The following IBTK variants were observed in gnomAD, a reference collection of about 807,000 sequenced individuals.
IBTK encodes the protein BTK-binding protein.
A neutral mutation model predicts 154.9 loss-of-function variants in IBTK; 83 were observed. The observed-to-expected ratio is 0.54, with a 90% CI of 0.45 to 0.64. The LOEUF (loss-of-function observed/expected upper bound fraction) is 0.64, where lower values mean the gene tolerates loss of function less well. Ranked by LOEUF, IBTK falls within the 30% of genes least tolerant of loss-of-function variation. The probability of loss-of-function intolerance (pLI) is 0.00; values close to 1 mark genes in which losing one functional copy is unlikely to be tolerated. For missense variants in IBTK, 1,332 were observed against 1,584.6 expected (o/e 0.84, Z 2.71); for synonymous variants, 515 against 536.1 (o/e 0.96, Z 0.54).
chr6:82,199,974 T>C (rs1451542334), intron 21 of IBTK, among the ~76,000 whole-genome samples, 167 bp downstream of exon 21: 5 of 152,158 alleles, frequency 3.3e-5, no homozygotes, highest in Non-Finnish European at 7.4e-5. Flanking sequence ...TTAGTTTGAG[T>C]ACCTCTTTTG....
At position 82,231,740 on chromosome 6, in the gene IBTK, C is replaced by G; in HGVS notation, c.521G>C (p.Arg174Thr). 1 of 1,607,902 alleles carries G rather than the reference C, an allele frequency of 6.2e-7. No individual in the cohort carries two copies. The highest frequency in any genetic ancestry group is 8.5e-7 in the Non-Finnish European group (1 of 1,177,018). Residue 174 changes from arginine (R) to threonine (T), a missense_variant, in exon 4 of 29, where the codon AGG becomes ACG. Arg to Thr is a moderately conservative substitution (Grantham distance 71). Around this residue, in one of 3 missense-constraint regions of IBTK, gnomAD observed 114 missense variants for 213.7 expected, o/e 0.53. Coordinates refer to ENST00000306270, the MANE Select transcript of IBTK (RefSeq NM_015525.4). The part of the protein sequence containing the change: ...HHPELVDLFS[R>T]SGIYIKQVVL... ...TACCTGCTTGATATAAATCCCACTCCTGGAGAACAGATCCACCAACTCTGG... is the reference window on the plus strand; with the variant it reads ...TACCTGCTTGATATAAATCCCACTCGTGGAGAACAGATCCACCAACTCTGG...
chr6:82,245,677 A>G (rs1771115695), intron 1 of IBTK, among the ~76,000 whole-genome samples: 1 of 152,220 alleles, frequency 6.6e-6, no homozygotes, highest in Non-Finnish European at 1.5e-5. Flanking sequence ...AAAATTTCTA[A>G]ATAATTCAGA....
intron 16 of IBTK, among the ~76,000 whole-genome samples, chr6:82,209,272 G>A (rs1769536354): frequency 6.6e-6 from 1 of 152,114 alleles, no homozygotes; most frequent in Non-Finnish European, 1.5e-5. Flanking sequence ...TTAGGCATGA[G>A]TGTTCACAGC....
intron 6 of IBTK, among the ~76,000 whole-genome samples, chr6:82,225,246 G>T (rs1037603345): frequency 3.3e-5 from 5 of 152,014 alleles, no homozygotes; most frequent in African/African-American, 1.2e-4. Flanking sequence ...AGGGGCAGAG[G>T]TTGCAGTCAG....
At chr6:82,172,282 C>A in intron 28 of IBTK, 98 bp downstream of exon 28, 1 of 1,186,658 alleles carries the variant, frequency 8.4e-7, no homozygotes. Context: ...TTCATAGATA[C>A]AAGCACCTGT....
At chr6:82,195,309 C>T (rs1331124155) in intron 22 of IBTK, among the ~76,000 whole-genome samples, 1 of 152,056 alleles carries the variant, frequency 6.6e-6, no homozygotes, top group Non-Finnish European at 1.5e-5. Flanking sequence ...GGTGTGGTTG[C>T]TCACATCTGT....
chr6:82,231,956 T>C (rs1770522430), intron 3 of IBTK, 114 bp from the exon 4 acceptor site: 1 of 563,706 alleles, frequency 1.8e-6, no homozygotes, highest in Non-Finnish European at 3.0e-6. Flanking sequence ...AATATATTAA[T>C]ATGATATTAG....
rs1768989965 is a variant in IBTK, at chr6:82,196,460, T to C, written c.3026-14A>G. The C allele has an allele frequency of 2.6e-6, 4 of 1,561,940 alleles. No individual in the cohort carries two copies. Among genetic ancestry groups the C allele is most frequent in the Non-Finnish European group, 3.5e-6 (4 of 1,148,636 alleles). ...ACTTTAATAATCCTAAAACATGAAA[T>C]TAAAAAAAATTAAACACATATGCAT... On this transcript the variant is annotated splice_polypyrimidine_tract_variant and intron_variant, in intron 21 of 28. Coordinates refer to ENST00000306270, the MANE Select transcript of IBTK (RefSeq NM_015525.4).
At chr6:82,223,683 G>T in intron 7 of IBTK, 63 bp from the exon 8 acceptor site, 2 of 1,392,098 alleles carry the variant, frequency 1.4e-6, no homozygotes, top group South Asian at 1.3e-5. Context: ...ATTTAGCCAA[G>T]CACAGTGTCT....
intron 16 of IBTK, chr6:82,205,268 C>T (rs1769358038): frequency 1.1e-5 from 2 of 182,146 alleles, no homozygotes; most frequent in Non-Finnish European, 2.3e-5. Flanking sequence ...AGTCTAGAAG[C>T]CCACTAGAAT....
intron 25 of IBTK, among the ~76,000 whole-genome samples, chr6:82,189,394 C>A (rs114275439): frequency 1.3e-5 from 2 of 152,074 alleles, no homozygotes; most frequent in African/African-American, 4.8e-5. Context: ...AATTTAGAAT[C>A]CCGTTCCCAT....
chr6:82,234,689 T>A (rs1384203806), intron 2 of IBTK, among the ~76,000 whole-genome samples: 1 of 151,848 alleles, frequency 6.6e-6, no homozygotes, highest in African/African-American at 2.4e-5. Flanking sequence ...ATAAATACAC[T>A]GAAAAAAAAT....
At chr6:82,177,732 T>C (rs1272542953) in intron 26 of IBTK, among the ~76,000 whole-genome samples, 1 of 152,038 alleles carries the variant, frequency 6.6e-6, no homozygotes, top group Non-Finnish European at 1.5e-5. Flanking sequence ...GTATTTTTAG[T>C]AGAGACAAGG....
chr6:82,192,811 A>G (rs1390100426), intron 23 of IBTK, among the ~76,000 whole-genome samples: 1 of 150,820 alleles, frequency 6.6e-6, no homozygotes, highest in Non-Finnish European at 1.5e-5. Flanking sequence ...ACAGATAAAA[A>G]TAAGTCAGTC....
chr6:82,174,509 T>A (rs1394171523), intron 26 of IBTK, among the ~76,000 whole-genome samples: 2 of 152,116 alleles, frequency 1.3e-5, no homozygotes, highest in South Asian at 4.1e-4. Flanking sequence ...CTAAAAAAGA[T>A]TTCAGTTATT....
At chr6:82,190,802 A>C (rs559511362) in intron 25 of IBTK, among the ~76,000 whole-genome samples, 2 of 152,196 alleles carry the variant, frequency 1.3e-5, no homozygotes, top group East Asian at 3.9e-4. Flanking sequence ...TTATATCTAT[A>C]TATGAAAAAT....
intron 8 of IBTK, among the ~76,000 whole-genome samples, chr6:82,222,647 C>T: frequency 6.6e-6 from 1 of 152,176 alleles, no homozygotes; most frequent in Non-Finnish European, 1.5e-5. Flanking sequence ...ACTTACATTA[C>T]TTCACAATTG....
intron 16 of IBTK, chr6:82,210,308 C>G (rs958316775): frequency 1.3e-5 from 2 of 149,724 alleles, no homozygotes; most frequent in African/African-American, 4.9e-5. Flanking sequence ...AATCTAATTT[C>G]AACCATTACC....
intron 5 of IBTK, 44 bp from the exon 6 acceptor site, chr6:82,225,691 TAC>T (rs1239994787): frequency 4.3e-6 from 6 of 1,397,206 alleles, no homozygotes; most frequent in Non-Finnish European, 6.0e-6. Context: ...TAACCATTTA[TAC>T]AGATATGCAA....
Sources: gnomAD v4.1 joint callset for allele counts (sites outside exome capture counted in the v4.1 genomes callset) on GRCh38, gnomAD v4.1.1 for gene constraint, gnomAD v4.1.1 regional missense constraint, MANE v1.5 for transcripts, NCBI Gene and HGNC (gene_info 2026-07-23, HGNC 2026-07-21) for gene names.